The following CCDC146 variants were observed in gnomAD, a reference collection of about 807,000 sequenced individuals.
CCDC146 encodes coiled-coil domain-containing protein 146.
In CCDC146, 92 loss-of-function variants were observed where a neutral mutation model predicts 119.3. That is an observed-to-expected ratio of 0.77 (90% CI 0.65 to 0.92). The LOEUF is 0.92. Among genes scored for constraint, CCDC146 ranks in the 40% least tolerant of loss-of-function variants. The pLI is 0.00. For synonymous variants in CCDC146, 372 were observed against 371.8 expected, an observed-to-expected ratio of 1.00 and a Z score of -0.01; for missense variants, 1,000 against 1,103.0, an observed-to-expected ratio of 0.91 and a Z score of 1.32.
chr7:77,127,216 T>C (rs1790700976), intron 1 of CCDC146, among the ~76,000 whole-genome samples: 1 of 152,080 alleles, frequency 6.6e-6, no homozygotes, highest in Non-Finnish European at 1.5e-5. Flanking sequence ...GCCTGCTCCA[T>C]GTTGTGGGAG....
rs1390964110 is a variant in CCDC146, at chr7:77,134,553, G to GTGTGTGTC, written c.-12+11828_-12+11829insCTGTGTGT. Among the ~76,000 whole-genome samples the GTGTGTGTC allele has an allele frequency of 1.0e-4, 12 of 115,332 alleles. No individual in the cohort carries two copies. In the East Asian group the frequency reaches 2.3e-3, roughly 22 times the overall value. The allele number at this position is 115,332 out of a possible 152,430, so 75.7% of individuals were successfully genotyped here. A position where few individuals can be genotyped will look rare whatever the true frequency, so the allele number is the denominator to read the frequency against. ...GGCTAAGGCCACTCTGTGTGTGTGT[G>GTGTGTGTC]TGTGTGTGTCTGTGTGTGTGTGTGT... On this transcript the variant is annotated intron_variant, in intron 1 of 18. Coordinates refer to ENST00000285871, the MANE Select transcript of CCDC146 (RefSeq NM_020879.3).
At chr7:77,208,733 C>G (rs568629776) in intron 2 of CCDC146, among the ~76,000 whole-genome samples, 1 of 152,314 alleles carries the variant, frequency 6.6e-6, no homozygotes, top group East Asian at 1.9e-4. Context: ...AATGAAGGGT[C>G]TCACTCTGTC....
At chr7:77,234,855 C>T (rs1792704124) in intron 2 of CCDC146, among the ~76,000 whole-genome samples, 1 of 151,926 alleles carries the variant, frequency 6.6e-6, no homozygotes, top group Non-Finnish European at 1.5e-5. Flanking sequence ...CATATTTCAC[C>T]CATAGATTAA....
At chr7:77,216,857 G>A (rs1488725358) in intron 2 of CCDC146, among the ~76,000 whole-genome samples, 1 of 152,144 alleles carries the variant, frequency 6.6e-6, no homozygotes, top group African/African-American at 2.4e-5. Context: ...AACATATGCA[G>A]ATAAGAGAAA....
At chr7:77,123,403 G>GGGGTGTGTGTGTGT (rs1379477523) in intron 1 of CCDC146, among the ~76,000 whole-genome samples, 3 of 125,194 alleles carry the variant, frequency 2.4e-5, no homozygotes, top group African/African-American at 9.1e-5. Context: ...GACCCTATAA[G>GGGGTGTGTGTGTGT]GTGTGTGTGT....
chr7:77,182,507 C>G (rs1038370580), intron 2 of CCDC146, among the ~76,000 whole-genome samples: 4 of 152,126 alleles, frequency 2.6e-5, no homozygotes, highest in African/African-American at 9.7e-5. Flanking sequence ...CGTGGTGGCT[C>G]AGGCTTGTAA....
chr7:77,187,050 A>G lies in CCDC146; in HGVS notation c.156+19226A>G, dbSNP rs937070246. Among the ~76,000 whole-genome samples the G allele has an allele frequency of 2.0e-5, 3 of 152,224 alleles. 1 individual carries two copies. The highest frequency in any genetic ancestry group is 4.8e-5 in the African/African-American group (2 of 41,460). On this transcript the variant is annotated intron_variant, in intron 2 of 18. Coordinates refer to ENST00000285871, the MANE Select transcript of CCDC146 (RefSeq NM_020879.3). ...TTACTGTTCATCCACAAGGACTCAA[A>G]TGTAGAAGTATGGAGTCCTTCTCAG...
chr7:77,156,576 T>TAAATA (rs1317304492), intron 1 of CCDC146, among the ~76,000 whole-genome samples: 2 of 152,054 alleles, frequency 1.3e-5, no homozygotes, highest in Admixed American at 6.6e-5. Context: ...AAAATAAAAA[T>TAAATA]AAATAAAATA....
intron 4 of CCDC146, among the ~76,000 whole-genome samples, chr7:77,254,035 C>G (rs1214171046): frequency 6.6e-6 from 1 of 152,132 alleles, no homozygotes; most frequent in African/African-American, 2.4e-5. Flanking sequence ...GGGAATTTAT[C>G]AAGCAGGGAA....
At chr7:77,215,864 C>A (rs968656803) in intron 2 of CCDC146, among the ~76,000 whole-genome samples, 1 of 151,908 alleles carries the variant, frequency 6.6e-6, no homozygotes, top group African/African-American at 2.4e-5. Context: ...TGGTTCCTTC[C>A]CATGAAATTA....
chr7:77,170,926 C>G (rs1425896935), intron 2 of CCDC146, among the ~76,000 whole-genome samples: 5 of 152,220 alleles, frequency 3.3e-5, no homozygotes, highest in African/African-American at 1.2e-4. Flanking sequence ...TGGATGCTGG[C>G]AAAGGTGTGG....
chr7:77,191,847 G>T lies in CCDC146; in HGVS notation c.156+24023G>T, dbSNP rs575968366. On this transcript the variant is annotated intron_variant, in intron 2 of 18. Coordinates refer to ENST00000285871, the MANE Select transcript of CCDC146 (RefSeq NM_020879.3). Reference sequence around the variant, plus strand: ...ATGGTGTGAACCCAGGAGGCGGAGCGTGCAGTGAGCCGAGATGGTGCTACT... The same window carrying T: ...ATGGTGTGAACCCAGGAGGCGGAGCTTGCAGTGAGCCGAGATGGTGCTACT... 8.5e-5 allele frequency among the ~76,000 whole-genome samples: 13 copies of T among 152,132 alleles called. No homozygotes were observed. In the East Asian group the frequency reaches 9.7e-4, roughly 11 times the overall value.
intron 2 of CCDC146, among the ~76,000 whole-genome samples, chr7:77,177,253 C>A (rs1039826989): frequency 2.6e-5 from 4 of 152,048 alleles, no homozygotes; most frequent in Non-Finnish European, 5.9e-5. Flanking sequence ...GAGATAATCC[C>A]TAATGACATT....
chr7:77,291,582 C>G (rs1793944868), intron 17 of CCDC146, among the ~76,000 whole-genome samples: 1 of 152,142 alleles, frequency 6.6e-6, no homozygotes, highest in Admixed American at 6.5e-5. Context: ...ATGGTGCACA[C>G]CTGTGGTCCC....
At chr7:77,233,094 G>GTT (rs10645152) in intron 2 of CCDC146, among the ~76,000 whole-genome samples, 90,608 of 144,532 alleles carry the variant, frequency 0.63, 30,837 homozygotes, top group South Asian at 0.78. Flanking sequence ...TCTTTTGTTT[G>GTT]TTTTTTTTTT....
At chr7:77,190,531 A>C (rs1039918582) in intron 2 of CCDC146, among the ~76,000 whole-genome samples, 2 of 152,226 alleles carry the variant, frequency 1.3e-5, no homozygotes, top group African/African-American at 4.8e-5. Flanking sequence ...GTGTTCCCCC[A>C]GGAAAGAAAG....
chr7:77,202,740 G>A (rs975901888), intron 2 of CCDC146, among the ~76,000 whole-genome samples: 2 of 152,126 alleles, frequency 1.3e-5, no homozygotes, highest in African/African-American at 4.8e-5. Context: ...CCGCCTCTAC[G>A]GTTCCTCCCT....
At chr7:77,149,112 A>G (rs977268157) in intron 1 of CCDC146, among the ~76,000 whole-genome samples, 2 of 152,208 alleles carry the variant, frequency 1.3e-5, no homozygotes, top group African/African-American at 4.8e-5. Context: ...ACAGCATGGT[A>G]CTGGCACCAA....
Position 77,243,723 on chromosome 7 carries a change from A to G in CCDC146, c.449+1823A>G, listed in dbSNP as rs563361694. Among the ~76,000 whole-genome samples, 4 of 152,354 alleles carry G rather than the reference A, an allele frequency of 2.6e-5. No homozygotes were observed. The East Asian group carries it at 7.7e-4, about 29-fold the overall frequency. On this transcript the variant is annotated intron_variant, in intron 4 of 18. Coordinates refer to ENST00000285871, the MANE Select transcript of CCDC146 (RefSeq NM_020879.3). ...TAAAACAGCCTCAGGCAGGTCCTTCAGGAGGTATTCCAGAAAAAGGCATTG... is the reference window on the plus strand; with the variant it reads ...TAAAACAGCCTCAGGCAGGTCCTTCGGGAGGTATTCCAGAAAAAGGCATTG...
Sources: allele counts gnomAD v4.1 joint callset (sites outside exome capture counted in the v4.1 genomes callset), GRCh38; gene constraint gnomAD v4.1.1; transcripts MANE v1.5; gene names NCBI Gene and HGNC (gene_info 2026-07-23, HGNC 2026-07-21).